Variants in KHDRBS2 observed in about 807,000 individuals in gnomAD.
The protein encoded by KHDRBS2 is KH domain-containing, RNA-binding, signal transduction-associated protein 2.
KHDRBS2 carries 26 observed loss-of-function variants against 44.3 expected under a neutral mutation model. The observed-to-expected ratio is 0.59, with a 90% CI of 0.43 to 0.81. KHDRBS2 has a LOEUF of 0.81. KHDRBS2 is among the 40% of genes least tolerant of loss of function. KHDRBS2 has a pLI of 0.00. For synonymous variants in KHDRBS2, 194 were observed against 151.1 expected, an observed-to-expected ratio of 1.28 and a Z score of -2.08; for missense variants, 476 against 433.1, an observed-to-expected ratio of 1.10 and a Z score of -0.88.
chr6:62,082,904 G>A (rs191601477), intron 2 of KHDRBS2, among the ~76,000 whole-genome samples: 19 of 152,042 alleles, frequency 1.2e-4, no homozygotes, highest in Non-Finnish European at 2.1e-4. Flanking sequence ...AGATACCCCC[G>A]GAATCCACTT....
Position 61,993,674 on chromosome 6 carries a change from T to TATATA in KHDRBS2, c.337-15463_337-15462insTATAT, listed in dbSNP as rs58974944. 3.3e-4 allele frequency among the ~76,000 whole-genome samples: 28 copies of TATATA among 84,314 alleles called. 1 individual carries two copies. Among genetic ancestry groups the TATATA allele is most frequent in the Middle Eastern group, 6.8e-3 (1 of 148 alleles). 55.3% of individuals were successfully genotyped at this position (84,314 alleles called of 152,430 possible). A position where few individuals can be genotyped will look rare whatever the true frequency, so the allele number is the denominator to read the frequency against. On this transcript the variant is annotated intron_variant, in intron 3 of 8. Transcript: ENST00000281156. ...TCATATATATATATATATATATATATTTTTTTTTTTTGATGTGAGCTTATA... is the reference window on the plus strand; with the variant it reads ...TCATATATATATATATATATATATATATATATTTTTTTTTTTGATGTGAGCTTATA...
At chr6:62,141,573 T>TC (rs1293421829) in intron 2 of KHDRBS2, among the ~76,000 whole-genome samples, 13 of 152,288 alleles carry the variant, frequency 8.5e-5, no homozygotes, top group Middle Eastern at 3.4e-3. Flanking sequence ...GGAAATCTTT[T>TC]CCCTGTGCCT....
chr6:62,232,509 A>G (rs1009882960), intron 1 of KHDRBS2, among the ~76,000 whole-genome samples: 1 of 152,090 alleles, frequency 6.6e-6, no homozygotes, highest in African/African-American at 2.4e-5. Context: ...TCACTTCCCC[A>G]ATGGAAAAAA....
rs374907361 is a variant in KHDRBS2 at position 62,160,327 on chromosome 6, T to A, written c.219+16858A>T. Among the ~76,000 whole-genome samples the A allele has an allele frequency of 1.8e-3, 272 of 152,196 alleles. 9 individuals are homozygous for A. The South Asian group carries it at 0.051, about 29-fold the overall frequency. On this transcript the variant is annotated intron_variant, in intron 2 of 8. Coordinates refer to ENST00000281156, the MANE Select transcript of KHDRBS2 (RefSeq NM_152688.4). ...GTAGCGATGGATGAAGGCTGCTATA[T>A]TAAATAGGTTGCCTAAGTTAGACCT...
At chr6:61,620,128 T>A in the KHDRBS2 span, among the ~76,000 whole-genome samples, 1 of 152,110 alleles carries the variant, frequency 6.6e-6, no homozygotes, top group African/African-American at 2.4e-5. Flanking sequence ...AAATCAGTTT[T>A]AATTAAAAAT....
At chr6:62,005,400 A>C (rs939129798) in intron 3 of KHDRBS2, among the ~76,000 whole-genome samples, 3 of 152,030 alleles carry the variant, frequency 2.0e-5, no homozygotes, top group Non-Finnish European at 4.4e-5. Context: ...CAATTAAAAA[A>C]ATTTATTTGT....
chr6:61,955,517 TATGTATGTATAC>T lies in KHDRBS2; in HGVS notation c.483+22537_483+22548del, dbSNP rs1766826248. Among the ~76,000 whole-genome samples the T allele has an allele frequency of 2.7e-4, 18 of 65,584 alleles. 4 individuals are homozygous for T. Among genetic ancestry groups the T allele is most frequent in the South Asian group, 7.9e-4 (1 of 1,264 alleles). 43.0% of individuals were successfully genotyped at this position (65,584 alleles called of 152,430 possible). On this transcript the variant is annotated intron_variant, in intron 4 of 8. Coordinates refer to ENST00000281156, the MANE Select transcript of KHDRBS2 (RefSeq NM_152688.4). ...ATACATGTGTATATATACACATATG[TATGTATGTATAC>T]ATGTGTATATATACACATATGTATG...
At chr6:61,802,431 T>G (rs2127589949) in intron 6 of KHDRBS2, among the ~76,000 whole-genome samples, 1 of 152,318 alleles carries the variant, frequency 6.6e-6, no homozygotes, top group Non-Finnish European at 1.5e-5. Flanking sequence ...CTTTTGCTCA[T>G]ATTTACCATA....
At chr6:61,546,007 C>A in the KHDRBS2 span, among the ~76,000 whole-genome samples, 1 of 152,136 alleles carries the variant, frequency 6.6e-6, no homozygotes, top group Non-Finnish European at 1.5e-5. Flanking sequence ...TTAAGCCATA[C>A]AGCTCCTCAT....
the KHDRBS2 span, among the ~76,000 whole-genome samples, chr6:61,628,650 A>G: frequency 1.3e-5 from 2 of 152,082 alleles, no homozygotes; most frequent in Non-Finnish European, 2.9e-5. Flanking sequence ...ACTAAGTTCC[A>G]TCTCTGCTGT....
the KHDRBS2 span, among the ~76,000 whole-genome samples, chr6:61,665,304 C>T: frequency 6.6e-6 from 1 of 151,124 alleles, no homozygotes; most frequent in Non-Finnish European, 1.5e-5. Context: ...TAAATGTTGC[C>T]AGAAGTATTA....
the KHDRBS2 span, among the ~76,000 whole-genome samples, chr6:61,603,203 C>T: frequency 6.6e-6 from 1 of 152,144 alleles, no homozygotes; most frequent in South Asian, 2.1e-4. Context: ...TTTACCTGTC[C>T]TAAAACCAGA....
chr6:62,238,883 T>G (rs1055974157), intron 1 of KHDRBS2, among the ~76,000 whole-genome samples: 1 of 152,204 alleles, frequency 6.6e-6, no homozygotes, highest in African/African-American at 2.4e-5. Flanking sequence ...ATGGGAGATT[T>G]ATGGCTTATC....
chr6:61,895,004 AAAGT>A (rs1320126063), intron 5 of KHDRBS2, among the ~76,000 whole-genome samples, 171 bp from the exon 6 acceptor site: 1 of 152,094 alleles, frequency 6.6e-6, no homozygotes, highest in African/African-American at 2.4e-5. Flanking sequence ...TATAAGATAT[AAAGT>A]GTGTTGATAT....
At chr6:62,219,750 A>G (rs1452353783) in intron 1 of KHDRBS2, among the ~76,000 whole-genome samples, 2 of 149,708 alleles carry the variant, frequency 1.3e-5, no homozygotes, top group East Asian at 3.9e-4. Context: ...CTGAAGTTGC[A>G]CATCTTTAAT....
At chr6:62,173,454 C>A (rs1341229742) in intron 2 of KHDRBS2, among the ~76,000 whole-genome samples, 1 of 151,882 alleles carries the variant, frequency 6.6e-6, no homozygotes, top group African/African-American at 2.4e-5. Context: ...AACAGACTAC[C>A]AACCAGAAAA....
chr6:62,048,121 TACACACACACACACACACACAC>T, intron 2 of KHDRBS2, 127 bp from the exon 3 acceptor site: 1 of 404,320 alleles, frequency 2.5e-6, no homozygotes, highest in Non-Finnish European at 4.6e-6. Flanking sequence ...GCCATAAACA[TACACACACACACACACACACAC>T]ACACACACAC....
At chr6:61,716,323 G>C (rs1421597046) in intron 7 of KHDRBS2, among the ~76,000 whole-genome samples, 1 of 151,898 alleles carries the variant, frequency 6.6e-6, no homozygotes, top group Non-Finnish European at 1.5e-5. Flanking sequence ...AGTCACCCTT[G>C]GCTTCTGAGC....
intron 7 of KHDRBS2, among the ~76,000 whole-genome samples, chr6:61,700,024 G>A (rs892609887): frequency 5.3e-5 from 8 of 151,938 alleles, no homozygotes; most frequent in African/African-American, 1.9e-4. Flanking sequence ...CTCATATAGG[G>A]GTAGCAAATT....
Sources: allele counts gnomAD v4.1 joint callset (sites outside exome capture counted in the v4.1 genomes callset), GRCh38; gene constraint gnomAD v4.1.1; transcripts MANE v1.5; gene names NCBI Gene and HGNC (gene_info 2026-07-23, HGNC 2026-07-21).